Variants in KMT2E observed in about 807,000 individuals in gnomAD.
KMT2E encodes lysine methyltransferase 2E (inactive).
KMT2E carries 30 observed loss-of-function variants against 184.6 expected under a neutral mutation model. That is an observed-to-expected ratio of 0.16 (90% CI 0.12 to 0.22). The LOEUF (loss-of-function observed/expected upper bound fraction) is 0.22, where lower values mean the gene tolerates loss of function less well. Among genes scored for constraint, KMT2E ranks in the 10% least tolerant of loss-of-function variants. KMT2E has a pLI of 1.00. For synonymous variants in KMT2E, 815 were observed against 776.5 expected (o/e 1.05, Z -0.82); for missense variants, 2,023 against 2,237.4 (o/e 0.90, Z 1.93).
intron 8 of KMT2E, among the ~76,000 whole-genome samples, chr7:105,075,043 T>G (rs10808141): frequency 0.31 from 47,669 of 152,104 alleles, 7,807 homozygotes; most frequent in Non-Finnish European, 0.36. Context: ...TTAATGAGAT[T>G]AGTCACTATA....
rs777151852 is a variant in KMT2E, at chr7:105,107,588, A to G, written c.3131A>G (p.His1044Arg). 16 of 1,613,958 alleles carry G rather than the reference A, an allele frequency of 9.9e-6. No individual in the cohort carries two copies. In the East Asian group the frequency reaches 1.1e-4, roughly 11 times the overall value. ...ALHKTLETPA[H>R]DRAEPNSQLD... ...CATAAAACCCTGGAAACGCCTGCAC[A>G]TGACAGGGCTGAGCCCAACAGCCAA... Residue 1044 changes from histidine to arginine, a missense_variant, in exon 22 of 27, where the codon CAT becomes CGT. By Grantham distance (29) the His-to-Arg change is conservative. This residue lies in a region of KMT2E where 1,108 missense variants were observed against 1,050.9 expected (regional missense o/e 1.05). Coordinates refer to ENST00000311117, the MANE Select transcript of KMT2E (RefSeq NM_182931.3).
chr7:105,062,033 C>A, intron 3 of KMT2E, 131 bp from the exon 4 acceptor site: 1 of 635,070 alleles, frequency 1.6e-6, no homozygotes, highest in Admixed American at 2.5e-5. Flanking sequence ...TATAGTGTAT[C>A]CACCTGCTGT....
chr7:105,026,730 A>G (rs1029660827), intron 1 of KMT2E, among the ~76,000 whole-genome samples: 5 of 152,210 alleles, frequency 3.3e-5, no homozygotes, highest in African/African-American at 1.2e-4. Context: ...GGTTGTACCA[A>G]AAGACAAATG....
intron 1 of KMT2E, among the ~76,000 whole-genome samples, chr7:105,019,842 C>G (rs1217975982): frequency 1.3e-5 from 2 of 152,086 alleles, no homozygotes; most frequent in Non-Finnish European, 2.9e-5. Flanking sequence ...CACGGTGGCT[C>G]ATACCTGTAA....
rs369391239 is a variant in KMT2E at position 105,090,067 on chromosome 7, C to T, written c.1417C>T (p.Arg473Cys). ...AAACCCAGAGTGCCCTGTTCTAAAA[C>T]GTAGTTCTGAATCCATGGAAAATAT... ...KENPECPVLK[R>C]SSESMENINS... is the part of the protein sequence containing the mutation. The change falls in exon 14 of 27, where the codon CGT becomes TGT. Residue 473 changes from arginine to cysteine, a missense_variant. Coordinates refer to ENST00000311117, the MANE Select transcript of KMT2E (RefSeq NM_182931.3). The T allele has an allele frequency of 6.8e-6, 11 of 1,613,602 alleles. No homozygotes were observed. Among genetic ancestry groups the T allele is most frequent in the South Asian group, 2.2e-5 (2 of 91,004 alleles).
At chr7:105,096,205 G>A (rs1446652676) in intron 15 of KMT2E, among the ~76,000 whole-genome samples, 3 of 121,418 alleles carry the variant, frequency 2.5e-5, no homozygotes, top group Non-Finnish European at 3.1e-5. Context: ...AGTGAGCCAA[G>A]ATGGCATCAC....
At chr7:105,024,029 T>A (rs1424488125) in intron 1 of KMT2E, among the ~76,000 whole-genome samples, 12 of 152,196 alleles carry the variant, frequency 7.9e-5, no homozygotes, top group Non-Finnish European at 1.6e-4. Context: ...ATGATAATAC[T>A]CATCAGTTTT....
chr7:105,077,067 G>A lies in KMT2E; in HGVS notation c.873G>A (p.Gln291=), dbSNP rs776893600. Residue 291 remains glutamine, a synonymous_variant, in exon 10 of 27, where the codon CAG becomes CAA. Transcript: ENST00000311117. ...MDRYEEANNN[Q]YSEGVQREAQ... is the part of the protein sequence containing the mutation. ...GATATGAAGAAGCAAATAACAACCA[G>A]TACAGTGAGGGTGTTCAGAGGGAGG... is the stretch of plus-strand genomic sequence containing the variant. 88 of 1,613,764 alleles carry A rather than the reference G, an allele frequency of 5.5e-5. No individual in the cohort carries two copies. The highest frequency in any genetic ancestry group is 7.2e-5 in the Non-Finnish European group (85 of 1,179,878).
chr7:105,040,456 A>G (rs1308638055), intron 2 of KMT2E, among the ~76,000 whole-genome samples: 1 of 152,212 alleles, frequency 6.6e-6, no homozygotes, highest in Admixed American at 6.5e-5. Context: ...AAAGCTGATT[A>G]TGGTGCTTAG....
intron 24 of KMT2E, 31 bp from the exon 25 acceptor site, chr7:105,110,446 T>TC (rs761845415): frequency 1.2e-6 from 2 of 1,614,118 alleles, no homozygotes; most frequent in South Asian, 2.2e-5. Context: ...GCTCTAATGT[T>TC]CTCTTTGGGT....
chr7:105,059,774 A>G (rs149131866), intron 3 of KMT2E, among the ~76,000 whole-genome samples: 63 of 152,158 alleles, frequency 4.1e-4, no homozygotes, highest in African/African-American at 1.4e-3. Flanking sequence ...AAAAGTTTAG[A>G]GAAAGATACA....
chr7:105,095,514 G>T (rs1232220700), intron 15 of KMT2E, among the ~76,000 whole-genome samples: 1 of 152,132 alleles, frequency 6.6e-6, no homozygotes, highest in Non-Finnish European at 1.5e-5. Context: ...TTTCATGAAA[G>T]AATATTTATG....
Position 105,107,827 on chromosome 7 carries a change from A to C in KMT2E, c.3370A>C (p.Thr1124Pro). 6.2e-7 allele frequency: 1 copy of C among 1,614,170 alleles called. No homozygotes were observed. Among genetic ancestry groups the C allele is most frequent in the East Asian group, 2.2e-5 (1 of 44,864 alleles). Residue 1124 changes from threonine (T) to proline (P), a missense_variant, in exon 22 of 27, where the codon ACT becomes CCT. Transcript: ENST00000311117. ...GMFMETTVFCTSEDGLVSGFG... is the reference protein window; with the variant it reads ...GMFMETTVFCPSEDGLVSGFG... ...GTTTATGGAAACAACTGTGTTTTGT[A>C]CTTCCGAAGATGGGCTTGTATCTGG...
chr7:105,077,597 T>A (rs1470028134), intron 11 of KMT2E, 164 bp downstream of exon 11: 1 of 577,602 alleles, frequency 1.7e-6, no homozygotes, highest in Non-Finnish European at 3.0e-6. Context: ...ATTTTTGAAC[T>A]ACGATAAACT....
chr7:105,109,267 A>C, intron 23 of KMT2E, 39 bp downstream of exon 23: 1 of 1,586,038 alleles, frequency 6.3e-7, no homozygotes, highest in South Asian at 1.1e-5. Context: ...GGAAAAAACA[A>C]GCTTTTGTTC....
intron 20 of KMT2E, 105 bp downstream of exon 20, chr7:105,106,877 A>G: frequency 8.7e-7 from 1 of 1,147,898 alleles, no homozygotes. Context: ...GAGAATACAA[A>G]AAAAAGGTTG....
intron 3 of KMT2E, among the ~76,000 whole-genome samples, chr7:105,044,199 A>C (rs1796005047): frequency 6.6e-6 from 1 of 152,138 alleles, no homozygotes; most frequent in Non-Finnish European, 1.5e-5. Context: ...TAAATTTAGG[A>C]CTACCAGAAT....
At chr7:105,020,680 C>G (rs1794914240) in intron 1 of KMT2E, among the ~76,000 whole-genome samples, 1 of 152,156 alleles carries the variant, frequency 6.6e-6, no homozygotes, top group Non-Finnish European at 1.5e-5. Flanking sequence ...CTTTTGTTTT[C>G]ATAGGGTATT....
At chr7:105,103,312 G>A (rs1798738337) in intron 17 of KMT2E, 1 of 152,048 alleles carries the variant, frequency 6.6e-6, no homozygotes, top group African/African-American at 2.4e-5. Context: ...AGCCTCTTTT[G>A]CCTGCAGATT....
Sources: allele counts gnomAD v4.1 joint callset (sites outside exome capture counted in the v4.1 genomes callset), GRCh38; gene constraint gnomAD v4.1.1; regional missense constraint gnomAD v4.1.1; transcripts MANE v1.5; gene names NCBI Gene and HGNC (gene_info 2026-07-23, HGNC 2026-07-21).